Variants in STK39 observed in about 807,000 individuals in gnomAD.
STK39 encodes the protein STE20/SPS1-related proline-alanine-rich protein kinase.
STK39 carries 20 observed loss-of-function variants against 77.8 expected under a neutral mutation model. That is an observed-to-expected ratio of 0.26 (90% CI 0.18 to 0.37). The LOEUF is 0.37. Among genes scored for constraint, STK39 ranks in the 10% least tolerant of loss-of-function variants. The pLI is 1.00. For synonymous variants in STK39, 246 were observed against 234.1 expected (o/e 1.05, Z -0.47); for missense variants, 479 against 656.5 (o/e 0.73, Z 2.95).
intron 10 of STK39, among the ~76,000 whole-genome samples, chr2:168,077,033 CAT>C (rs944011747): frequency 5.9e-5 from 9 of 152,164 alleles, no homozygotes; most frequent in Admixed American, 1.3e-4. Flanking sequence ...GTGGTAGCAA[CAT>C]AGAGAAACAT....
chr2:168,247,088 A>AAT, intron 1 of STK39, 140 bp downstream of exon 1: 1 of 280,388 alleles, frequency 3.6e-6, no homozygotes, highest in East Asian at 1.5e-4. Flanking sequence ...AAAAAAAAAA[A>AAT]ACTGTTGAAG....
Position 167,954,154 on chromosome 2 carries a change from G to GA in STK39, c.*1341dup, listed in dbSNP as rs1159616544. ...GGCTCTAGAACACCTTAACAATTAT[G>GA]ACAAGGCAATTATAAATAACTTTTT... On this transcript the variant is annotated 3_prime_UTR_variant, in exon 18 of 18. Transcript: ENST00000355999. 2 of 152,506 alleles carry GA rather than the reference G, an allele frequency of 1.3e-5. No homozygotes were observed. The highest frequency in any genetic ancestry group is 2.4e-5 in the African/African-American group (1 of 41,380). The allele number at this position is 152,506 out of a possible 1,614,324, so 9.4% of individuals were successfully genotyped here. A position where few individuals can be genotyped will look rare whatever the true frequency, so the allele number is the denominator to read the frequency against.
chr2:168,036,704 G>A (rs946353423), intron 14 of STK39, among the ~76,000 whole-genome samples: 2 of 152,166 alleles, frequency 1.3e-5, no homozygotes, highest in Non-Finnish European at 2.9e-5. Context: ...TCAGATACCT[G>A]CTTCTGCTTT....
intron 10 of STK39, among the ~76,000 whole-genome samples, chr2:168,085,990 C>A (rs1274293645): frequency 6.6e-6 from 1 of 152,188 alleles, no homozygotes; most frequent in Non-Finnish European, 1.5e-5. Flanking sequence ...CCCAGGTGAC[C>A]TGACCATCTG....
intron 14 of STK39, among the ~76,000 whole-genome samples, chr2:168,044,807 T>C (rs11681363): frequency 0.43 from 64,733 of 151,904 alleles, 15,384 homozygotes; most frequent in Non-Finnish European, 0.54. Flanking sequence ...ACAAATAAGA[T>C]TGGGAAAGGA....
intron 2 of STK39, among the ~76,000 whole-genome samples, chr2:168,174,126 T>C (rs773761094): frequency 6.6e-6 from 1 of 151,850 alleles, no homozygotes. Flanking sequence ...TTTTAAGAAA[T>C]AGAAACATTT....
At position 168,041,806 on chromosome 2, in the gene STK39, C is replaced by T. The variant is rs116685238; in HGVS notation, c.1376+21694G>A. On this transcript the variant is annotated intron_variant, in intron 14 of 17. Coordinates refer to ENST00000355999, the MANE Select transcript of STK39 (RefSeq NM_013233.3). ...CTTGGTTTAGGCTCTGAAGAAATTACTTTATGTTGTATGCTGTAATTCAAT... is the reference window on the plus strand; with the variant it reads ...CTTGGTTTAGGCTCTGAAGAAATTATTTTATGTTGTATGCTGTAATTCAAT... 1.0e-2 allele frequency among the ~76,000 whole-genome samples: 1,516 copies of T among 152,224 alleles called. 28 individuals carry two copies. Among genetic ancestry groups the T allele is most frequent in the African/African-American group, 0.034 (1,401 of 41,532 alleles).
chr2:168,097,978 T>C (rs1686716210), intron 10 of STK39, among the ~76,000 whole-genome samples: 2 of 152,242 alleles, frequency 1.3e-5, no homozygotes, highest in South Asian at 2.1e-4. Flanking sequence ...CAGAGTCTAA[T>C]AGAAGCTAAA....
At chr2:167,977,460 A>C (rs2105261614) in intron 16 of STK39, among the ~76,000 whole-genome samples, 1 of 152,236 alleles carries the variant, frequency 6.6e-6, no homozygotes, top group Middle Eastern at 3.4e-3. Flanking sequence ...GGATGAAGAA[A>C]GTAGAAATAA....
At chr2:168,235,488 A>G (rs1690578201) in intron 1 of STK39, among the ~76,000 whole-genome samples, 1 of 151,606 alleles carries the variant, frequency 6.6e-6, no homozygotes, top group Non-Finnish European at 1.5e-5. Context: ...TTTAGGGTAC[A>G]TGTGTACAAT....
At chr2:167,984,476 G>A (rs1024388362) in intron 16 of STK39, among the ~76,000 whole-genome samples, 4 of 152,166 alleles carry the variant, frequency 2.6e-5, no homozygotes, top group East Asian at 1.9e-4. Context: ...GCACTGAAGC[G>A]GTCCAGCATG....
chr2:168,224,075 G>T (rs1355871655), intron 1 of STK39, among the ~76,000 whole-genome samples: 1 of 151,638 alleles, frequency 6.6e-6, no homozygotes, highest in African/African-American at 2.4e-5. Flanking sequence ...AAGAAAAAAA[G>T]ATTATATATA....
chr2:168,128,178 G>A (rs1163891117), intron 10 of STK39, among the ~76,000 whole-genome samples: 1 of 152,204 alleles, frequency 6.6e-6, no homozygotes, highest in East Asian at 1.9e-4. Context: ...AAAGAAGTGT[G>A]GGCCCAAAAA....
At chr2:167,972,784 A>G (rs1160134070) in intron 16 of STK39, among the ~76,000 whole-genome samples, 1 of 152,042 alleles carries the variant, frequency 6.6e-6, no homozygotes, top group African/African-American at 2.4e-5. Context: ...GGTGCCAGAG[A>G]CCCCATTTGG....
At chr2:168,088,436 C>T (rs1009881273) in intron 10 of STK39, among the ~76,000 whole-genome samples, 1 of 152,158 alleles carries the variant, frequency 6.6e-6, no homozygotes, top group Non-Finnish European at 1.5e-5. Context: ...GAGATATATA[C>T]ATGATATGCC....
At chr2:168,102,929 C>CA (rs35442749) in intron 10 of STK39, among the ~76,000 whole-genome samples, 5,341 of 49,958 alleles carry the variant, frequency 0.11, 604 homozygotes, top group African/African-American at 0.18. Flanking sequence ...GAATCCGTCT[C>CA]AAAAAAAAAA....
intron 16 of STK39, among the ~76,000 whole-genome samples, chr2:167,986,637 G>A (rs1192273582): frequency 6.6e-6 from 1 of 152,170 alleles, no homozygotes; most frequent in Admixed American, 6.5e-5. Flanking sequence ...GTAAAAATGA[G>A]TGAAATCGAT....
intron 3 of STK39, 101 bp from the exon 4 acceptor site, chr2:168,163,981 G>T: frequency 6.9e-7 from 1 of 1,446,030 alleles, no homozygotes; most frequent in African/African-American, 1.4e-5. Flanking sequence ...TCAAAATATG[G>T]GCTTTATTTA....
intron 8 of STK39, among the ~76,000 whole-genome samples, chr2:168,136,475 T>C (rs866232830): frequency 3.3e-5 from 5 of 152,220 alleles, no homozygotes; most frequent in Middle Eastern, 6.8e-3. Flanking sequence ...AGAAATACAC[T>C]ATTATATCAT....
Sources: allele counts gnomAD v4.1 joint callset (sites outside exome capture counted in the v4.1 genomes callset), GRCh38; gene constraint gnomAD v4.1.1; transcripts MANE v1.5; gene names NCBI Gene and HGNC (gene_info 2026-07-23, HGNC 2026-07-21).